The following TAF6L variants were observed in gnomAD, a reference collection of about 807,000 sequenced individuals.
TAF6L encodes the protein TAF6-like RNA polymerase II p300/CBP-associated factor-associated factor 65 kDa subunit 6L.
In TAF6L, 34 loss-of-function variants were observed where a neutral mutation model predicts 57.3. That is an observed-to-expected ratio of 0.59 (90% CI 0.45 to 0.79). TAF6L has a LOEUF of 0.79. TAF6L is among the 30% of genes least tolerant of loss of function. TAF6L has a pLI of 0.00. For missense variants in TAF6L, 782 were observed against 853.2 expected (o/e 0.92, Z 1.04); for synonymous variants, 417 against 376.3 (o/e 1.11, Z -1.25).
chr11:62,781,712 C>A, intron 6 of TAF6L, 182 bp from the exon 7 acceptor site: 1 of 566,132 alleles, frequency 1.8e-6, no homozygotes, highest in African/African-American at 1.9e-5. Context: ...GGGCCATATG[C>A]AGGTATATGT....
At chr11:62,779,970 A>ATTT (rs1263442687) in intron 6 of TAF6L, among the ~76,000 whole-genome samples, 6 of 64,416 alleles carry the variant, frequency 9.3e-5, no homozygotes, top group African/African-American at 2.3e-4. Context: ...ATATATATAT[A>ATTT]TATATATTTT....
chr11:62,783,832 C>T (rs911254958), intron 9 of TAF6L, among the ~76,000 whole-genome samples: 5 of 151,236 alleles, frequency 3.3e-5, no homozygotes, highest in Admixed American at 6.6e-5. Context: ...CACGCCCAGC[C>T]GATTATGTGG....
intron 9 of TAF6L, 157 bp from the exon 10 acceptor site, chr11:62,786,103 C>A: frequency 1.1e-6 from 1 of 901,932 alleles, no homozygotes; most frequent in Non-Finnish European, 1.7e-6. Flanking sequence ...ACAGTAGGTT[C>A]CAAATAAATA....
At position 62,787,233 on chromosome 11, in the gene TAF6L, C is replaced by G. The variant is rs1590940732; in HGVS notation, c.1806C>G (p.Gly602=). 1 of 1,571,338 alleles carries G rather than the reference C, an allele frequency of 6.4e-7. No homozygotes were observed. The highest frequency in any genetic ancestry group is 1.1e-5 in the South Asian group (1 of 88,582). ...SRYVQKLPMI[G]RTSRPARRWA... ...ACGTGCAGAAACTGCCCATGATCGG[C>G]CGTACCAGCCGCCCCGCCCGCCGGT... Residue 602 remains glycine (G), a synonymous_variant, in exon 11 of 11, where the codon GGC becomes GGG. Coordinates refer to ENST00000294168, the MANE Select transcript of TAF6L (RefSeq NM_006473.4).
intron 1 of TAF6L, among the ~76,000 whole-genome samples, chr11:62,773,695 G>A (rs772837994): frequency 6.6e-5 from 10 of 152,146 alleles, no homozygotes; most frequent in Non-Finnish European, 1.2e-4. Context: ...TGATTCGCCC[G>A]CCTTGGCCTC....
intron 9 of TAF6L, among the ~76,000 whole-genome samples, chr11:62,783,578 A>G (rs2134720089): frequency 1.4e-5 from 2 of 142,300 alleles, no homozygotes; most frequent in Middle Eastern, 3.9e-3. Context: ...CTTGTCGCCC[A>G]GGCTAGAGTA....
Position 62,778,040 on chromosome 11 carries a change from C to CT in TAF6L, c.298dup (p.Tyr100LeufsTer4). 1 of 1,614,196 alleles carries CT rather than the reference C, an allele frequency of 6.2e-7. No individual in the cohort carries two copies. Among genetic ancestry groups the CT allele is most frequent in the East Asian group, 2.2e-5 (1 of 44,876 alleles). ...TGCGCCCCGCCAGGGAGGGTGAACT[C>CT]TACTTTCCTGAGGATCGAGAGGTGA... On this transcript the variant is annotated frameshift_variant, in exon 4 of 11. Coordinates refer to ENST00000294168, the MANE Select transcript of TAF6L (RefSeq NM_006473.4). LOFTEE classifies it high-confidence loss of function.
At chr11:62,783,795 A>G (rs973280032) in intron 9 of TAF6L, among the ~76,000 whole-genome samples, 4 of 151,864 alleles carry the variant, frequency 2.6e-5, no homozygotes, top group Middle Eastern at 3.4e-3. Flanking sequence ...GGCTTCCCAT[A>G]GTGCTGGGAT....
intron 3 of TAF6L, among the ~76,000 whole-genome samples, chr11:62,777,395 A>G (rs2084195518): frequency 6.6e-6 from 1 of 152,198 alleles, no homozygotes; most frequent in Admixed American, 6.5e-5. Flanking sequence ...GCAACAGCAG[A>G]CCAGGTGCTA....
At chr11:62,778,411 C>CTAG in intron 5 of TAF6L, 76 bp downstream of exon 5, 2 of 1,543,310 alleles carry the variant, frequency 1.3e-6, no homozygotes, top group Non-Finnish European at 1.8e-6. Flanking sequence ...CCTATGTGCC[C>CTAG]CCGAGTCTGC....
At position 62,787,202 on chromosome 11, in the gene TAF6L, CGCGCTACGT is replaced by C; in HGVS notation, c.1778_1786del (p.Arg593_Val595del). 1.3e-6 allele frequency: 2 copies of C among 1,588,846 alleles called. No individual in the cohort carries two copies. The highest frequency in any genetic ancestry group is 1.7e-6 in the Non-Finnish European group (2 of 1,176,174). ...GCGCCGTACGGGCCTAGCCCGGCCT[CGCGCTACGT>C]GCAGAAACTGCCCATGATCGGCCGT... On this transcript the variant is annotated inframe_deletion, in exon 11 of 11. Coordinates refer to ENST00000294168, the MANE Select transcript of TAF6L (RefSeq NM_006473.4).
At position 62,785,545 on chromosome 11, in the gene TAF6L, T is replaced by C. The variant is rs895123221; in HGVS notation, c.961-715T>C. On this transcript the variant is annotated intron_variant, in intron 9 of 10. Transcript: ENST00000294168. Reference sequence around the variant, plus strand: ...TTTTCCTTATAGTTAATTCTTTTTTTTTTTTTTGAGACGGAGTCTCACTTT... The same window carrying C: ...TTTTCCTTATAGTTAATTCTTTTTTCTTTTTTTGAGACGGAGTCTCACTTT... Among the ~76,000 whole-genome samples the C allele has an allele frequency of 2.7e-4, 41 of 150,950 alleles. 1 individual carries two copies. The highest frequency in any genetic ancestry group is 4.4e-5 in the Non-Finnish European group (3 of 67,774).
At chr11:62,781,683 G>T (rs1435871529) in intron 6 of TAF6L, 22 of 430,268 alleles carry the variant, frequency 5.1e-5, no homozygotes, top group Non-Finnish European at 7.6e-5. Context: ...AAAAAAGTTG[G>T]ACATTCAGGT....
chr11:62,778,830 C>T (rs912411368), intron 5 of TAF6L, 39 bp from the exon 6 acceptor site: 2 of 1,563,396 alleles, frequency 1.3e-6, no homozygotes, highest in Admixed American at 3.3e-5. Context: ...AGAGGGCCAG[C>T]TCTCCACCTG....
rs927755548 is a variant in TAF6L, at chr11:62,782,920, C to T, written c.960+95C>T. On this transcript the variant is annotated intron_variant, in intron 9 of 10. Coordinates refer to ENST00000294168, the MANE Select transcript of TAF6L (RefSeq NM_006473.4). ...ATCGTTATCTCCAAAATAGTGTGTG[C>T]CTGCCACTGCCATGTATTGAGTTCT... 2.0e-6 allele frequency: 3 copies of T among 1,518,180 alleles called. No individual in the cohort carries two copies. The African/African-American group carries it at 4.1e-5, about 21-fold the overall frequency. The allele number at this position is 1,518,180 out of a possible 1,614,324, so 94.0% of individuals were successfully genotyped here.
intron 9 of TAF6L, among the ~76,000 whole-genome samples, chr11:62,783,769 G>A (rs2084248329): frequency 6.6e-6 from 1 of 151,738 alleles, no homozygotes; most frequent in Non-Finnish European, 1.5e-5. Flanking sequence ...CTAGCCTCAA[G>A]TGGTCTGCCT....
chr11:62,774,492 C>G, intron 1 of TAF6L: 1 of 438,748 alleles, frequency 2.3e-6, no homozygotes, highest in East Asian at 7.0e-5. Flanking sequence ...CCCATTGATC[C>G]CCTGCCAGAG....
Position 62,784,531 on chromosome 11 carries a change from C to T in TAF6L, c.960+1706C>T, listed in dbSNP as rs895023253. 3.9e-5 allele frequency among the ~76,000 whole-genome samples: 6 copies of T among 151,930 alleles called. No individual in the cohort carries two copies. In the East Asian group the frequency reaches 5.8e-4, roughly 15 times the overall value. On this transcript the variant is annotated intron_variant, in intron 9 of 10. Coordinates refer to ENST00000294168, the MANE Select transcript of TAF6L (RefSeq NM_006473.4). ...CCGTGTTAGCCAGGATGGTCTCGAT[C>T]TCCTGGCCTCATGATCCGCCCGCCT...
At chr11:62,778,484 A>G (rs2084203588) in intron 5 of TAF6L, 149 bp downstream of exon 5, 3 of 922,296 alleles carry the variant, frequency 3.3e-6, no homozygotes, top group Middle Eastern at 2.1e-4. Flanking sequence ...TGGGCTCTGC[A>G]TGGAGGGCTC....
Sources: gnomAD v4.1 joint callset for allele counts (sites outside exome capture counted in the v4.1 genomes callset) on GRCh38, gnomAD v4.1.1 for gene constraint, MANE v1.5 for transcripts, NCBI Gene and HGNC (gene_info 2026-07-23, HGNC 2026-07-21) for gene names.